Variants in PCDHA6 observed in about 807,000 individuals in gnomAD.
PCDHA6 encodes protocadherin alpha-6.
A neutral mutation model predicts 60.3 loss-of-function variants in PCDHA6; 55 were observed. That is an observed-to-expected ratio of 0.91 (90% CI 0.73 to 1.14). PCDHA6 has a LOEUF of 1.14. Ranked by LOEUF, PCDHA6 falls within the 50% of genes most tolerant of loss-of-function variation. The pLI is 0.00. For missense variants in PCDHA6, 1,327 were observed against 1,256.5 expected (o/e 1.06, Z -0.85); for synonymous variants, 652 against 557.9 (o/e 1.17, Z -2.38).
At chr5:141,001,303 A>G (rs2098006866) in intron 3 of PCDHA6, among the ~76,000 whole-genome samples, 2 of 152,182 alleles carry the variant, frequency 1.3e-5, no homozygotes, top group Admixed American at 1.3e-4. Context: ...GCCCAGAGAT[A>G]TGAAATAATT....
chr5:140,834,178 C>T (rs1772830464), intron 1 of PCDHA6: 2 of 557,246 alleles, frequency 3.6e-6, no homozygotes, highest in Admixed American at 3.3e-5. Flanking sequence ...ACATGATGGC[C>T]ACATGATGTC....
chr5:140,850,459 G>A (rs2150485191), intron 1 of PCDHA6: 2 of 1,598,012 alleles, frequency 1.3e-6, no homozygotes, highest in South Asian at 2.2e-5. Context: ...AAAGACCACG[G>A]GGAGCCAGCG....
chr5:140,877,288 T>G (rs782747810), intron 1 of PCDHA6: 3 of 1,613,908 alleles, frequency 1.9e-6, no homozygotes, highest in East Asian at 4.5e-5. Flanking sequence ...CTATAACGCT[T>G]GGCTGTCCTA....
intron 1 of PCDHA6, chr5:140,857,901 G>C: frequency 1.3e-6 from 2 of 1,597,732 alleles, no homozygotes; most frequent in Non-Finnish European, 1.7e-6. Context: ...GTTGGTGCAC[G>C]CATCCCGTTT....
At chr5:140,834,257 C>T (rs1276678217) in intron 1 of PCDHA6, 5 of 948,154 alleles carry the variant, frequency 5.3e-6, no homozygotes, top group African/African-American at 1.6e-5. Context: ...GAAAGACGCT[C>T]CACTCTCTTT....
chr5:141,000,413 A>T (rs1563651324), intron 3 of PCDHA6, among the ~76,000 whole-genome samples: 4 of 93,212 alleles, frequency 4.3e-5, no homozygotes, highest in African/African-American at 1.8e-4. Flanking sequence ...ATATATATAT[A>T]TATATATATT....
chr5:140,890,238 C>T (rs2062554718), intron 1 of PCDHA6, among the ~76,000 whole-genome samples: 1 of 152,034 alleles, frequency 6.6e-6, no homozygotes, highest in African/African-American at 2.4e-5. Flanking sequence ...TAAGCATTTA[C>T]CAGTACACTA....
intron 1 of PCDHA6, among the ~76,000 whole-genome samples, chr5:140,872,003 A>C (rs1314439086): frequency 2.0e-5 from 3 of 152,202 alleles, no homozygotes; most frequent in Non-Finnish European, 2.9e-5. Context: ...GGCTATTTAC[A>C]GGTGACCTGT....
intron 1 of PCDHA6, chr5:140,928,108 G>C: frequency 6.2e-7 from 1 of 1,614,190 alleles, no homozygotes; most frequent in Non-Finnish European, 8.5e-7. Flanking sequence ...CCTGGACCGG[G>C]AGCAGATCAG....
At position 140,843,422 on chromosome 5, in the gene PCDHA6, A is replaced by T. The variant is rs2150359586; in HGVS notation, c.2394+12937A>T. The T allele has an allele frequency of 9.4e-6, 15 of 1,595,774 alleles. 3 individuals are homozygous for T. Among genetic ancestry groups the T allele is most frequent in the Admixed American group, 5.1e-5 (3 of 59,266 alleles). The stretch of plus-strand genomic sequence containing the variant: ...GCTGGTGGATGTCAACGTGTACCTG[A>T]TCATCGCCATCTGCGCGGTATCCAG... On this transcript the variant is annotated intron_variant, in intron 1 of 3. Transcript: ENST00000529310.
At chr5:140,921,287 A>C (rs1563045357) in intron 1 of PCDHA6, among the ~76,000 whole-genome samples, 1 of 152,210 alleles carries the variant, frequency 6.6e-6, no homozygotes. Flanking sequence ...AAAAAACCTC[A>C]AATTTGCTGA....
rs782603246 is a variant in PCDHA6, at chr5:140,883,847, G to T, written c.2394+53362G>T. On this transcript the variant is annotated intron_variant, in intron 1 of 3. Transcript: ENST00000529310. ...CGCGCTGCAGCCGTTGGACCACGAGGAGCTGGAGCTGTTGCAGTTCCAGGT... is the reference window on the plus strand; with the variant it reads ...CGCGCTGCAGCCGTTGGACCACGAGTAGCTGGAGCTGTTGCAGTTCCAGGT... 4.3e-6 allele frequency: 7 copies of T among 1,612,760 alleles called. No individual in the cohort carries two copies. The East Asian group carries it at 1.3e-4, about 31-fold the overall frequency.
chr5:140,895,665 A>G (rs782373926), intron 1 of PCDHA6, among the ~76,000 whole-genome samples: 1 of 152,114 alleles, frequency 6.6e-6, no homozygotes, highest in Non-Finnish European at 1.5e-5. Flanking sequence ...AAGTGAGAAC[A>G]TGTAGTATTT....
At chr5:140,914,973 G>A (rs1166162661) in intron 1 of PCDHA6, among the ~76,000 whole-genome samples, 2 of 140,450 alleles carry the variant, frequency 1.4e-5, no homozygotes, top group Non-Finnish European at 3.0e-5. Context: ...CTGAGTCAGA[G>A]TCTTGCTCTG....
chr5:140,966,951 C>G lies in PCDHA6; in HGVS notation c.2395-11998C>G, dbSNP rs781885198. 3.1e-5 allele frequency: 50 copies of G among 1,603,624 alleles called. No individual in the cohort carries two copies. The highest frequency in any genetic ancestry group is 4.2e-5 in the Non-Finnish European group (50 of 1,178,520). The stretch of plus-strand genomic sequence containing the variant: ...CCCGGCGCGCTCGTGGGCAACGTGG[C>G]TCGCGCGCTGGGGCTTGAGCTGCGG... On this transcript the variant is annotated intron_variant, in intron 1 of 3. Coordinates refer to ENST00000529310, the MANE Select transcript of PCDHA6 (RefSeq NM_018909.4).
intron 1 of PCDHA6, chr5:140,869,370 G>A: frequency 6.2e-7 from 1 of 1,614,138 alleles, no homozygotes; most frequent in South Asian, 1.1e-5. Flanking sequence ...TGAATTCTCG[G>A]ATCGACCGCG....
chr5:140,866,703 G>A (rs553518884), intron 1 of PCDHA6: 1 of 152,106 alleles, frequency 6.6e-6, no homozygotes, highest in East Asian at 1.9e-4. Flanking sequence ...AGTGGATGAC[G>A]TGCACTAGTA....
At chr5:140,914,562 C>A (rs2076761052) in intron 1 of PCDHA6, among the ~76,000 whole-genome samples, 1 of 152,190 alleles carries the variant, frequency 6.6e-6, no homozygotes, top group East Asian at 1.9e-4. Flanking sequence ...AGAGTTTAGT[C>A]CATTTACATT....
intron 1 of PCDHA6, chr5:140,862,477 A>G (rs1227905551): frequency 2.6e-6 from 1 of 379,090 alleles, no homozygotes; most frequent in African/African-American, 2.1e-5. Context: ...AAATCTATCC[A>G]TTGTTGGTAA....
Sources: allele counts gnomAD v4.1 joint callset (sites outside exome capture counted in the v4.1 genomes callset), GRCh38; gene constraint gnomAD v4.1.1; transcripts MANE v1.5; gene names NCBI Gene and HGNC (gene_info 2026-07-23, HGNC 2026-07-21).